KAT6B: variants seen among roughly 807,000 people sequenced by gnomAD.
KAT6B encodes the protein histone acetyltransferase KAT6B.
Under a neutral mutation model 187.5 loss-of-function variants are expected in KAT6B, and 10 were observed. The observed-to-expected ratio is 0.05, with a 90% CI of 0.03 to 0.09. The LOEUF (loss-of-function observed/expected upper bound fraction) is 0.09, where lower values mean the gene tolerates loss of function less well. Among genes scored for constraint, KAT6B ranks in the 10% least tolerant of loss-of-function variants. KAT6B has a pLI of 1.00. For synonymous variants in KAT6B, 861 were observed against 926.8 expected (o/e 0.93, Z 1.29); for missense variants, 1,952 against 2,558.9 (o/e 0.76, Z 5.12).
intron 3 of KAT6B, among the ~76,000 whole-genome samples, chr10:74,913,777 G>A (rs1446585904): frequency 6.6e-6 from 1 of 152,220 alleles, no homozygotes; most frequent in Non-Finnish European, 1.5e-5. Context: ...CGCCCTGCAG[G>A]GGAGCCATCT....
chr10:74,887,135 CAG>C (rs1014469189), intron 3 of KAT6B, among the ~76,000 whole-genome samples: 2 of 152,068 alleles, frequency 1.3e-5, no homozygotes, highest in Admixed American at 6.6e-5. Context: ...ATCTAGTCAT[CAG>C]AGTTACCCAA....
intron 3 of KAT6B, among the ~76,000 whole-genome samples, chr10:74,849,665 T>G (rs1284763737): frequency 6.6e-6 from 1 of 152,164 alleles, no homozygotes; most frequent in Non-Finnish European, 1.5e-5. Context: ...TAAAACAAAA[T>G]AAAAATAGTA....
chr10:74,948,500 G>T (rs1840095027), intron 3 of KAT6B, among the ~76,000 whole-genome samples: 1 of 152,152 alleles, frequency 6.6e-6, no homozygotes. Context: ...TTCCTGTTTG[G>T]ATCTAATTAC....
chr10:75,029,943 A>G lies in KAT6B; in HGVS notation c.5119A>G (p.Ser1707Gly), dbSNP rs753165850. Residue 1707 changes from serine to glycine, a missense_variant, in exon 18 of 18, where the codon AGC becomes GGC. This residue lies in a region of KAT6B where 87 missense variants were observed against 167.5 expected (regional missense o/e 0.52). Coordinates refer to ENST00000287239, the MANE Select transcript of KAT6B (RefSeq NM_012330.4). The surrounding 1 kb of genome is among the most constrained non-coding windows in gnomAD (Gnocchi z 6.2). ...NGSSQNSCSY[S>G]NLTSSSLTQS... ...CTCTTCACAGAACAGCTGCTCCTAT[A>G]GCAACCTCACCTCCAGCAGTCTGAC... 1.5e-5 allele frequency: 25 copies of G among 1,614,220 alleles called. 1 individual carries two copies. The South Asian group carries it at 2.5e-4, about 16-fold the overall frequency.
At position 74,985,215 on chromosome 10, in the gene KAT6B, T is replaced by A; in HGVS notation, c.2509T>A (p.Cys837Ser). The change falls in exon 12 of 18, where the codon TGT becomes AGT. Residue 837 changes from cysteine (C) to serine (S), a missense_variant. This residue lies in a region of KAT6B where 87 missense variants were observed against 191.8 expected (regional missense o/e 0.45). Transcript: ENST00000287239. The stretch of plus-strand genomic sequence containing the variant: ...CCTTACAAAAAATGATGAAAAGGGC[T>A]GTCATCTGGTTGGATACTTCTCTAA... ...YVLTKNDEKG[C>S]HLVGYFSKEK... The A allele has an allele frequency of 6.2e-7, 1 of 1,614,138 alleles. No individual in the cohort carries two copies. Among genetic ancestry groups the A allele is most frequent in the Non-Finnish European group, 8.5e-7 (1 of 1,179,984 alleles).
intron 13 of KAT6B, among the ~76,000 whole-genome samples, chr10:75,006,696 C>T (rs1184603117): frequency 6.6e-6 from 1 of 152,112 alleles, no homozygotes; most frequent in Non-Finnish European, 1.5e-5. Context: ...TCTGCCTTGG[C>T]TTCCCAACGT....
chr10:74,900,899 G>A (rs1294263275), intron 3 of KAT6B, among the ~76,000 whole-genome samples: 1 of 152,166 alleles, frequency 6.6e-6, no homozygotes, highest in African/African-American at 2.4e-5. Flanking sequence ...TGTTATAGGA[G>A]TTTTAAAAGC....
chr10:74,973,394 T>TTA (rs1480987864), intron 7 of KAT6B, among the ~76,000 whole-genome samples: 9 of 152,304 alleles, frequency 5.9e-5, no homozygotes, highest in Admixed American at 5.2e-4. Context: ...CTATCAGCAT[T>TTA]AAGGTGTTTA....
At chr10:74,891,051 A>C (rs1320242269) in intron 3 of KAT6B, among the ~76,000 whole-genome samples, 2 of 152,252 alleles carry the variant, frequency 1.3e-5, no homozygotes, top group African/African-American at 4.8e-5. Flanking sequence ...AAGAGGTAAA[A>C]TTGAACATGA....
chr10:74,878,871 C>T (rs1844634085), intron 3 of KAT6B, among the ~76,000 whole-genome samples: 1 of 152,136 alleles, frequency 6.6e-6, no homozygotes. Context: ...AGAAGCCTTC[C>T]TTGTGCTCAC....
intron 16 of KAT6B, 108 bp from the exon 17 acceptor site, chr10:75,024,850 C>T (rs184214254): frequency 9.8e-7 from 1 of 1,019,220 alleles, no homozygotes; most frequent in East Asian, 2.6e-5. Context: ...ACAGAAGTCA[C>T]CACGTGTAAG....
intron 3 of KAT6B, among the ~76,000 whole-genome samples, chr10:74,923,803 G>A (rs1309294926): frequency 1.3e-5 from 2 of 152,166 alleles, no homozygotes; most frequent in Non-Finnish European, 2.9e-5. Flanking sequence ...GCCTTTGCAG[G>A]GTTTTGAACA....
intron 3 of KAT6B, among the ~76,000 whole-genome samples, chr10:74,859,487 A>G (rs970334922): frequency 6.6e-6 from 1 of 152,212 alleles, no homozygotes; most frequent in Non-Finnish European, 1.5e-5. Flanking sequence ...AGATGGATGT[A>G]TATTATATTC....
At chr10:74,935,607 A>G (rs916189901) in intron 3 of KAT6B, among the ~76,000 whole-genome samples, 1 of 152,200 alleles carries the variant, frequency 6.6e-6, no homozygotes, top group African/African-American at 2.4e-5. Context: ...CTGGCCAAAA[A>G]TACATCTTTT....
At chr10:74,843,577 T>G in intron 3 of KAT6B, 99 bp downstream of exon 3, 1 of 1,442,356 alleles carries the variant, frequency 6.9e-7, no homozygotes, top group South Asian at 1.2e-5. Flanking sequence ...GAATAAAGTT[T>G]GATAAAATTG....
chr10:74,951,174 G>A (rs1840293780), intron 3 of KAT6B, among the ~76,000 whole-genome samples: 1 of 151,220 alleles, frequency 6.6e-6, no homozygotes, highest in Non-Finnish European at 1.5e-5. Context: ...CTGTTGCCCA[G>A]GCTGGAGTGC....
At chr10:74,961,201 T>G (rs759720862) in intron 4 of KAT6B, among the ~76,000 whole-genome samples, 9 of 152,208 alleles carry the variant, frequency 5.9e-5, no homozygotes, top group African/African-American at 1.4e-4. Context: ...AAACATTATC[T>G]GTACGTTCAG....
chr10:74,851,405 C>T (rs1306860244), intron 3 of KAT6B, among the ~76,000 whole-genome samples: 2 of 150,476 alleles, frequency 1.3e-5, no homozygotes, highest in Non-Finnish European at 2.9e-5. Flanking sequence ...GCGATCTCGG[C>T]TCACTACAAC....
rs758666823 is a variant in KAT6B, at chr10:74,843,034, A to C, written c.177A>C (p.Ser59=). 1 of 1,614,236 alleles carries C rather than the reference A, an allele frequency of 6.2e-7. No individual in the cohort carries two copies. Residue 59 remains serine (S), a synonymous_variant, in exon 3 of 18, where the codon TCA becomes TCC. Transcript: ENST00000287239. ...EQLELSVQDG[S]VLKVTNKGLA... is the part of the protein sequence containing the mutation. ...TGGAACTCAGTGTTCAGGATGGCTC[A>C]GTTCTCAAAGTCACCAACAAAGGCC...
Sources: allele counts gnomAD v4.1 joint callset (sites outside exome capture counted in the v4.1 genomes callset), GRCh38; gene constraint gnomAD v4.1.1; regional missense constraint gnomAD v4.1.1; non-coding constraint Gnocchi (gnomAD v3.1); transcripts MANE v1.5; gene names NCBI Gene and HGNC (gene_info 2026-07-23, HGNC 2026-07-21).